ARHGAP22: variants seen among roughly 807,000 people sequenced by gnomAD.
ARHGAP22 encodes the protein rho GTPase-activating protein 22.
A neutral mutation model predicts 59.1 loss-of-function variants in ARHGAP22; 48 were observed. The observed-to-expected ratio is 0.81, with a 90% CI of 0.64 to 1.03. ARHGAP22 has a LOEUF of 1.03. ARHGAP22 is among the 50% of genes least tolerant of loss of function. The pLI is 0.00. For missense variants in ARHGAP22, 1,015 were observed against 958.7 expected (o/e 1.06, Z -0.78); for synonymous variants, 445 against 416.4 (o/e 1.07, Z -0.84).
At chr10:48,463,948 A>G (rs2047401422) in intron 4 of ARHGAP22, among the ~76,000 whole-genome samples, 1 of 152,152 alleles carries the variant, frequency 6.6e-6, no homozygotes, top group Admixed American at 6.5e-5. Flanking sequence ...ATACATGGGG[A>G]AAAAATTCCA....
chr10:48,627,742 T>C (rs577427890), intron 1 of ARHGAP22, among the ~76,000 whole-genome samples: 2 of 152,344 alleles, frequency 1.3e-5, no homozygotes, highest in South Asian at 4.1e-4. Flanking sequence ...TCCCAACTGA[T>C]AATGTGAGGC....
chr10:48,572,366 G>A (rs924235056), intron 2 of ARHGAP22, among the ~76,000 whole-genome samples: 1 of 152,180 alleles, frequency 6.6e-6, no homozygotes, highest in African/African-American at 2.4e-5. Context: ...TGGTCCACAA[G>A]TCACAACTAC....
chr10:48,644,802 G>A (rs1320847001), intron 1 of ARHGAP22, among the ~76,000 whole-genome samples: 1 of 152,074 alleles, frequency 6.6e-6, no homozygotes, highest in East Asian at 1.9e-4. Context: ...AGCTTTAAAT[G>A]CGTATATCAG....
At chr10:48,561,539 G>A (rs1307745106) in intron 2 of ARHGAP22, among the ~76,000 whole-genome samples, 1 of 152,098 alleles carries the variant, frequency 6.6e-6, no homozygotes, top group African/African-American at 2.4e-5. Context: ...CACATTAAGA[G>A]AGTGAAAAGA....
At chr10:48,519,774 C>G (rs550492208) in intron 3 of ARHGAP22, among the ~76,000 whole-genome samples, 3 of 152,230 alleles carry the variant, frequency 2.0e-5, no homozygotes, top group African/African-American at 7.2e-5. Context: ...TGGTGTGGTG[C>G]GGAAACCAGA....
chr10:48,493,516 G>T (rs1205203301), intron 3 of ARHGAP22: 1 of 1,534,760 alleles, frequency 6.5e-7, no homozygotes, highest in Admixed American at 2.0e-5. Flanking sequence ...GGGCTGCAGT[G>T]AGAGGAGCAG....
At chr10:48,489,547 C>T (rs1379286109) in intron 3 of ARHGAP22, among the ~76,000 whole-genome samples, 2 of 152,278 alleles carry the variant, frequency 1.3e-5, no homozygotes, top group East Asian at 1.9e-4. Flanking sequence ...ACTTAGGAAA[C>T]ATTAGTATTA....
intron 1 of ARHGAP22, among the ~76,000 whole-genome samples, chr10:48,650,428 G>A (rs923561204): frequency 5.3e-5 from 8 of 152,182 alleles, no homozygotes; most frequent in African/African-American, 1.7e-4. Context: ...ATGGGGTGGA[G>A]AAGAGGGAGC....
At chr10:48,579,086 T>C (rs1392301144) in intron 2 of ARHGAP22, among the ~76,000 whole-genome samples, 1 of 146,394 alleles carries the variant, frequency 6.8e-6, no homozygotes, top group African/African-American at 2.6e-5. Context: ...TTACTTGTCT[T>C]TCTTTCTTGT....
At chr10:48,474,222 G>A (rs1454618240) in intron 4 of ARHGAP22, among the ~76,000 whole-genome samples, 1 of 152,010 alleles carries the variant, frequency 6.6e-6, no homozygotes, top group Non-Finnish European at 1.5e-5. Context: ...TCCTGTAGAT[G>A]AAATTTTCTT....
At chr10:48,561,323 A>G (rs571520966) in intron 2 of ARHGAP22, among the ~76,000 whole-genome samples, 2 of 152,322 alleles carry the variant, frequency 1.3e-5, no homozygotes, top group East Asian at 1.9e-4. Context: ...ATGAATCTCA[A>G]TTCATACCTC....
chr10:48,554,126 A>G (rs1433309398), intron 3 of ARHGAP22, among the ~76,000 whole-genome samples: 1 of 152,252 alleles, frequency 6.6e-6, no homozygotes, highest in Non-Finnish European at 1.5e-5. Flanking sequence ...ATGAAAAGGA[A>G]TACCCAAGTG....
chr10:48,626,702 G>A (rs2061461173), intron 1 of ARHGAP22, among the ~76,000 whole-genome samples: 1 of 152,180 alleles, frequency 6.6e-6, no homozygotes, highest in African/African-American at 2.4e-5. Flanking sequence ...TGGAGGGTGT[G>A]GTACGATGGG....
At chr10:48,496,917 G>A (rs767782528) in intron 3 of ARHGAP22, among the ~76,000 whole-genome samples, 7 of 152,054 alleles carry the variant, frequency 4.6e-5, no homozygotes, top group Non-Finnish European at 1.0e-4. Context: ...ACTCACACTC[G>A]GCTTTCTCAG....
chr10:48,622,648 G>A (rs1331744690), intron 1 of ARHGAP22, among the ~76,000 whole-genome samples: 1 of 152,172 alleles, frequency 6.6e-6, no homozygotes, highest in African/African-American at 2.4e-5. Context: ...ATCATATACT[G>A]GCTGAGTGGA....
intron 1 of ARHGAP22, chr10:48,624,070 T>A (rs1038179694): frequency 6.6e-6 from 1 of 152,254 alleles, no homozygotes; most frequent in Non-Finnish European, 1.5e-5. Flanking sequence ...AGTTAATCTG[T>A]CCATGTCTCT....
At chr10:48,454,285 A>AG (rs2046281608) in intron 6 of ARHGAP22, 124 bp from the exon 7 acceptor site, 1 of 847,982 alleles carries the variant, frequency 1.2e-6, no homozygotes, top group Admixed American at 1.9e-5. Flanking sequence ...CCAACAGACC[A>AG]GAGGGCTCCA....
intron 1 of ARHGAP22, among the ~76,000 whole-genome samples, chr10:48,618,351 A>G (rs1469002510): frequency 1.3e-5 from 2 of 152,102 alleles, no homozygotes; most frequent in Non-Finnish European, 2.9e-5. Flanking sequence ...CCATGAGCCT[A>G]GCTATACCCT....
At chr10:48,627,268 T>A (rs1165359775) in intron 1 of ARHGAP22, among the ~76,000 whole-genome samples, 1 of 152,214 alleles carries the variant, frequency 6.6e-6, no homozygotes, top group Non-Finnish European at 1.5e-5. Flanking sequence ...GAGGAGGGGT[T>A]GCAGGAATCT....
Sources: gnomAD v4.1 joint callset for allele counts (sites outside exome capture counted in the v4.1 genomes callset) on GRCh38, gnomAD v4.1.1 for gene constraint, MANE v1.5 for transcripts, NCBI Gene and HGNC (gene_info 2026-07-23, HGNC 2026-07-21) for gene names.